Variants in WDPCP observed in about 807,000 individuals in gnomAD.
WDPCP encodes the protein WD repeat-containing and planar cell polarity effector protein fritz homolog.
A neutral mutation model predicts 93.1 loss-of-function variants in WDPCP; 71 were observed. The ratio of observed to expected loss-of-function variants is 0.76; its 90% confidence interval spans 0.63 to 0.93. The LOEUF is 0.93. Among genes scored for constraint, WDPCP ranks in the 40% least tolerant of loss-of-function variants. WDPCP has a pLI of 0.00. For missense variants in WDPCP, 844 were observed against 887.4 expected (o/e 0.95, Z 0.62); for synonymous variants, 315 against 315.0 (o/e 1.00, Z 0.00).
At chr2:63,263,912 C>A (rs1358889294) in intron 13 of WDPCP, among the ~76,000 whole-genome samples, 1 of 152,140 alleles carries the variant, frequency 6.6e-6, no homozygotes, top group South Asian at 2.1e-4. Flanking sequence ...AATCATTCTG[C>A]AAATAACTAT....
chr2:63,742,786 C>T (rs1489975800), intron 2 of WDPCP, among the ~76,000 whole-genome samples: 1 of 150,784 alleles, frequency 6.6e-6, no homozygotes, highest in Non-Finnish European at 1.5e-5. Flanking sequence ...ACGTGCCAAG[C>T]AGCACCAGGG....
chr2:63,718,148 C>G (rs995320465), intron 2 of WDPCP, among the ~76,000 whole-genome samples: 2 of 151,862 alleles, frequency 1.3e-5, no homozygotes, highest in Admixed American at 1.3e-4. Context: ...TTTCTTTCTC[C>G]AATCATCCAT....
At chr2:63,327,045 T>C (rs1430077880) in intron 12 of WDPCP, among the ~76,000 whole-genome samples, 1 of 151,694 alleles carries the variant, frequency 6.6e-6, no homozygotes, top group Non-Finnish European at 1.5e-5. Context: ...TAACAGGGGA[T>C]CTAAATCTTA....
chr2:63,229,280 G>C (rs530653330), intron 14 of WDPCP: 57 of 152,182 alleles, frequency 3.7e-4, no homozygotes, highest in African/African-American at 1.2e-3. Flanking sequence ...GGATGGGGTT[G>C]TTTGTTTTTT....
intron 14 of WDPCP, among the ~76,000 whole-genome samples, chr2:63,185,310 T>C (rs972005492): frequency 1.3e-5 from 2 of 152,228 alleles, no homozygotes; most frequent in African/African-American, 2.4e-5. Context: ...CTTTTCATGC[T>C]TCCAGTATTA....
At chr2:63,308,306 TA>T (rs1685904968) in intron 13 of WDPCP, among the ~76,000 whole-genome samples, 1 of 152,182 alleles carries the variant, frequency 6.6e-6, no homozygotes, top group Non-Finnish European at 1.5e-5. Flanking sequence ...GAGCACAAAT[TA>T]GTTCAACCAT....
intron 10 of WDPCP, among the ~76,000 whole-genome samples, chr2:63,383,155 G>GA (rs1055634872): frequency 1.7e-4 from 25 of 151,282 alleles, no homozygotes; most frequent in Non-Finnish European, 1.3e-4. Flanking sequence ...GCAACCACAG[G>GA]AAAAAAAATA....
chr2:63,336,699 T>C (rs1415710129), intron 12 of WDPCP, among the ~76,000 whole-genome samples: 1 of 152,112 alleles, frequency 6.6e-6, no homozygotes. Flanking sequence ...ATTAGGTTGA[T>C]TTCAGATCTC....
intron 1 of WDPCP, among the ~76,000 whole-genome samples, chr2:63,575,534 A>G (rs112174446): frequency 0.19 from 4,434 of 22,894 alleles, 904 homozygotes; most frequent in East Asian, 0.54. Flanking sequence ...TACAGTATAT[A>G]CACTGTATAT....
At chr2:63,371,956 C>A (rs1397094052) in intron 12 of WDPCP, among the ~76,000 whole-genome samples, 1 of 152,108 alleles carries the variant, frequency 6.6e-6, no homozygotes, top group Non-Finnish European at 1.5e-5. Context: ...GCCATTCTTG[C>A]ATTGCTATAA....
rs773513195 is a variant in WDPCP, at chr2:63,492,916, T to C, written c.100A>G (p.Met34Val). 4 of 1,613,386 alleles carry C rather than the reference T, an allele frequency of 2.5e-6. No homozygotes were observed. In the East Asian group the frequency reaches 6.7e-5, roughly 27 times the overall value. ...RQDRDSFCHQ[M>V]SFCLTELHLW... ...TGCAGTTCAGTCAAGCAGAAAGACA[T>C]CTGATGGCAGAAGGAATCTCTATCC... The change falls in exon 2 of 18, where the codon ATG becomes GTG. Residue 34 changes from methionine (M) to valine (V), a missense_variant. Physicochemically the swap from Met to Val is conservative, Grantham distance 21. Transcript: ENST00000272321.
chr2:63,722,068 T>C (rs1223649984), intron 2 of WDPCP, among the ~76,000 whole-genome samples: 1 of 152,126 alleles, frequency 6.6e-6, no homozygotes, highest in Non-Finnish European at 1.5e-5. Flanking sequence ...TGGCGTGATC[T>C]CGGCTCGCTA....
intron 10 of WDPCP, among the ~76,000 whole-genome samples, chr2:63,390,938 C>G (rs1693185796): frequency 6.6e-6 from 1 of 152,128 alleles, no homozygotes; most frequent in Non-Finnish European, 1.5e-5. Context: ...CAGACGGATT[C>G]ACAGCCAAAT....
chr2:63,322,782 CATCGCCT>C (rs1687221338), intron 12 of WDPCP, among the ~76,000 whole-genome samples: 2 of 152,066 alleles, frequency 1.3e-5, no homozygotes, highest in African/African-American at 4.8e-5. Context: ...CAGATGGGAC[CATCGCCT>C]ATCGCCAAGA....
intron 14 of WDPCP, among the ~76,000 whole-genome samples, chr2:63,175,383 T>C (rs1329661324): frequency 1.3e-5 from 2 of 149,782 alleles, no homozygotes; most frequent in Non-Finnish European, 3.0e-5. Flanking sequence ...GTGAAAAATA[T>C]ATTTTTTGTA....
chr2:63,570,770 G>A (rs1707430393), intron 1 of WDPCP, among the ~76,000 whole-genome samples: 2 of 152,164 alleles, frequency 1.3e-5, no homozygotes, highest in East Asian at 1.9e-4. Context: ...CCATATGCTA[G>A]TCATGAAGTT....
chr2:63,141,936 T>C (rs1671087319), intron 17 of WDPCP, among the ~76,000 whole-genome samples: 1 of 152,202 alleles, frequency 6.6e-6, no homozygotes, highest in Non-Finnish European at 1.5e-5. Flanking sequence ...GTGTTCATAG[T>C]AGACTTGAAT....
intron 2 of WDPCP, among the ~76,000 whole-genome samples, chr2:63,692,041 T>C (rs1668898139): frequency 1.3e-5 from 2 of 152,212 alleles, no homozygotes; most frequent in South Asian, 4.1e-4. Flanking sequence ...TATTACAAGT[T>C]ACTCTCAATA....
At chr2:63,222,647 A>C (rs1473321671) in intron 14 of WDPCP, among the ~76,000 whole-genome samples, 1 of 152,200 alleles carries the variant, frequency 6.6e-6, no homozygotes, top group Non-Finnish European at 1.5e-5. Flanking sequence ...CTGGAGGTGA[A>C]GCTTATCATA....
Sources: gnomAD v4.1 joint callset for allele counts (sites outside exome capture counted in the v4.1 genomes callset) on GRCh38, gnomAD v4.1.1 for gene constraint, MANE v1.5 for transcripts, NCBI Gene and HGNC (gene_info 2026-07-23, HGNC 2026-07-21) for gene names.